Variants in PRL observed in about 807,000 individuals in gnomAD.
The protein encoded by PRL is prolactin, also known as decidual prolactin.
Under a neutral mutation model 21.3 loss-of-function variants are expected in PRL, and 24 were observed. The observed-to-expected ratio is 1.13, with a 90% CI of 0.82 to 1.59. The LOEUF (loss-of-function observed/expected upper bound fraction) is 1.59, where lower values mean the gene tolerates loss of function less well. PRL is among the 40% of genes most tolerant of loss of function. The pLI, the probability that PRL is intolerant of heterozygous loss-of-function variation, is 0.00. For missense variants in PRL, 243 were observed against 286.9 expected (o/e 0.85, Z 1.10); for synonymous variants, 118 against 115.7 (o/e 1.02, Z -0.13).
chr6:22,296,178 C>T (rs1311261153), intron 1 of PRL, among the ~76,000 whole-genome samples: 2 of 152,160 alleles, frequency 1.3e-5, no homozygotes, highest in East Asian at 1.9e-4. Context: ...TTTATCTGCA[C>T]ATTTAGCATG....
chr6:22,296,217 T>C (rs1407372703), intron 1 of PRL, among the ~76,000 whole-genome samples: 1 of 152,192 alleles, frequency 6.6e-6, no homozygotes, highest in Non-Finnish European at 1.5e-5. Flanking sequence ...CAAAACGAGA[T>C]AAAATAGACA....
intron 4 of PRL, among the ~76,000 whole-genome samples, chr6:22,289,290 A>G (rs1760998082): frequency 6.6e-6 from 1 of 152,212 alleles, no homozygotes; most frequent in Admixed American, 6.5e-5. Context: ...TTAGTACACA[A>G]AAAGAGAAAT....
intron 1 of PRL, among the ~76,000 whole-genome samples, chr6:22,294,803 C>T (rs1313056175): frequency 6.6e-6 from 1 of 152,146 alleles, no homozygotes; most frequent in Non-Finnish European, 1.5e-5. Context: ...AGTGGGTTAC[C>T]TCCTGCATTT....
upstream of PRL, among the ~76,000 whole-genome samples, chr6:22,300,762 T>G (rs1295512833): frequency 6.6e-6 from 1 of 152,250 alleles, no homozygotes; most frequent in Admixed American, 6.5e-5. Context: ...GGGCATTTAC[T>G]CCTTAAATAA....
At chr6:22,301,202 G>A (rs1761275718), upstream of PRL, among the ~76,000 whole-genome samples, 1 of 151,990 alleles carries the variant, frequency 6.6e-6, no homozygotes, top group Admixed American at 6.6e-5. Context: ...GGGATCAATT[G>A]GTCTATCTAT....
chr6:22,291,687 T>C, intron 3 of PRL, among the ~76,000 whole-genome samples: 1 of 152,332 alleles, frequency 6.6e-6, no homozygotes, highest in East Asian at 1.9e-4. Context: ...CTCCTTCTCT[T>C]ATTATCATAA....
In PRL at chr6:22,294,514, G is replaced by A. The variant is rs1056307979; in HGVS notation, c.99C>T (p.Pro33=). 1.2e-6 allele frequency: 2 copies of A among 1,613,936 alleles called. No individual in the cohort carries two copies. Among genetic ancestry groups the A allele is most frequent in the Non-Finnish European group, 1.7e-6 (2 of 1,179,996 alleles). Reference sequence around the variant, plus strand: ...TCACCTGGCATCGGGCAGCCCCGCCGGGACAGATGGGCAAGGGGGCCACGC... The same window carrying A: ...TCACCTGGCATCGGGCAGCCCCGCCAGGACAGATGGGCAAGGGGGCCACGC... The part of the protein sequence containing the change: ...CQSVAPLPIC[P]GGAARCQVTL... The change falls in exon 2 of 5, where the codon CCC becomes CCT. Residue 33 remains proline (P), a synonymous_variant. Transcript: ENST00000306482.
chr6:22,294,318 G>C (rs1581387354), intron 2 of PRL, 91 bp downstream of exon 2: 2 of 1,455,828 alleles, frequency 1.4e-6, no homozygotes, highest in East Asian at 2.3e-5. Flanking sequence ...TTGAAATTTG[G>C]CTCGGGAGGT....
Position 22,287,325 on chromosome 6 carries a change from G to C in PRL, c.*77C>G. On this transcript the variant is annotated 3_prime_UTR_variant, in exon 5 of 5. Coordinates refer to ENST00000306482, the MANE Select transcript of PRL (RefSeq NM_000948.6). ...GTTACACCCAAGCATGGATTCAAAAGAGATACAACTAAAAGAAGCTTGCAA... is the reference window on the plus strand; with the variant it reads ...GTTACACCCAAGCATGGATTCAAAACAGATACAACTAAAAGAAGCTTGCAA... 2 of 1,398,408 alleles carry C rather than the reference G, an allele frequency of 1.4e-6. No homozygotes were observed. The highest frequency in any genetic ancestry group is 9.7e-7 in the Non-Finnish European group (1 of 1,036,132). The allele number at this position is 1,398,408 out of a possible 1,614,324, so 86.6% of individuals were successfully genotyped here. A position where few individuals can be genotyped will look rare whatever the true frequency, so the allele number is the denominator to read the frequency against.
At chr6:22,299,557 C>A (rs977229455), upstream of PRL, among the ~76,000 whole-genome samples, 13 of 152,112 alleles carry the variant, frequency 8.5e-5, no homozygotes, top group African/African-American at 2.9e-4. Flanking sequence ...AAATCCTTCA[C>A]AGGGCGGGCG....
upstream of PRL, among the ~76,000 whole-genome samples, chr6:22,302,277 C>T (rs1761295300): frequency 1.3e-5 from 2 of 151,320 alleles, no homozygotes; most frequent in Non-Finnish European, 2.9e-5. Flanking sequence ...CACATACGCA[C>T]ACACACTCAC....
chr6:22,294,659 A>AAAGCCTT, intron 1 of PRL, 75 bp from the exon 2 acceptor site: 1 of 1,449,928 alleles, frequency 6.9e-7, no homozygotes, highest in Non-Finnish European at 9.1e-7. Context: ...CCTGCCGAGG[A>AAAGCCTT]AAGCCTTATT....
intron 2 of PRL, 36 bp downstream of exon 2, chr6:22,294,373 C>T (rs1396552816): frequency 1.9e-6 from 3 of 1,611,348 alleles, no homozygotes; most frequent in Admixed American, 3.3e-5. Flanking sequence ...CATGTGAAGG[C>T]TCCTTCAGGG....
Position 22,294,252 on chromosome 6 carries a change from T to G in PRL, c.204+157A>C, listed in dbSNP as rs575958024. The stretch of plus-strand genomic sequence containing the variant: ...GAGATTTCATGGCACTGTCCCTTTC[T>G]TCTTGTTCCACATCTTATGAGCTGG... On this transcript the variant is annotated intron_variant, in intron 2 of 4. Coordinates refer to ENST00000306482, the MANE Select transcript of PRL (RefSeq NM_000948.6). Among the ~76,000 whole-genome samples, 124 of 152,346 alleles carry G rather than the reference T, an allele frequency of 8.1e-4. No individual in the cohort carries two copies. In the South Asian group the frequency reaches 0.019, roughly 23 times the overall value.
intron 1 of PRL, among the ~76,000 whole-genome samples, chr6:22,302,699 A>G (rs1354621885): frequency 1.3e-5 from 2 of 152,192 alleles, no homozygotes; most frequent in Admixed American, 1.3e-4. Context: ...TAGAAATACA[A>G]TTGTCCAAAA....
At chr6:22,291,309 G>A (rs849885) in intron 3 of PRL, among the ~76,000 whole-genome samples, 71,866 of 152,010 alleles carry the variant, frequency 0.47, 18,372 homozygotes, top group East Asian at 0.88. Context: ...TTAAGAGTAA[G>A]GGTTTTGAAT....
At chr6:22,298,993 T>C (rs780935751), upstream of PRL, among the ~76,000 whole-genome samples, 2 of 152,222 alleles carry the variant, frequency 1.3e-5, no homozygotes, top group Non-Finnish European at 1.5e-5. Context: ...TGTGTCTCCT[T>C]GCTGCTCCAT....
Position 22,287,464 on chromosome 6 carries a change from G to C in PRL, c.622C>G (p.His208Asp). The C allele has an allele frequency of 6.2e-7, 1 of 1,614,136 alleles. No homozygotes were observed. The highest frequency in any genetic ancestry group is 8.5e-7 in the Non-Finnish European group (1 of 1,180,008). The change falls in exon 5 of 5, where the codon CAT becomes GAT. Residue 208 changes from histidine (H) to aspartate (D), a missense_variant. Coordinates refer to ENST00000306482, the MANE Select transcript of PRL (RefSeq NM_000948.6). The part of the protein sequence containing the change: ...NLLHCLRRDS[H>D]KIDNYLKLLK... ...AGCTTGAGATAATTGTCGATTTTATGTGAATCCCTGCGTAGGCAGTGGAGC... is the reference window on the plus strand; with the variant it reads ...AGCTTGAGATAATTGTCGATTTTATCTGAATCCCTGCGTAGGCAGTGGAGC...
upstream of PRL, among the ~76,000 whole-genome samples, chr6:22,298,651 A>G (rs541964000): frequency 2.0e-5 from 3 of 152,154 alleles, no homozygotes; most frequent in East Asian, 3.9e-4. Flanking sequence ...GACTCTCTCA[A>G]TCTGAAAGCT....
Sources: allele counts gnomAD v4.1 joint callset (sites outside exome capture counted in the v4.1 genomes callset), GRCh38; gene constraint gnomAD v4.1.1; transcripts MANE v1.5; gene names NCBI Gene and HGNC (gene_info 2026-07-23, HGNC 2026-07-21).